The following EML5 variants were observed in gnomAD, a reference collection of about 807,000 sequenced individuals.
EML5 encodes the protein EMAP like 5, also known as echinoderm microtubule-associated protein-like 5.
A neutral mutation model predicts 250.0 loss-of-function variants in EML5; 120 were observed. That is an observed-to-expected ratio of 0.48 (90% CI 0.41 to 0.56). EML5 has a LOEUF of 0.56. EML5 is among the 20% of genes least tolerant of loss of function. The pLI is 0.00. For synonymous variants in EML5, 771 were observed against 806.5 expected, an observed-to-expected ratio of 0.96 and a Z score of 0.75; for missense variants, 2,006 against 2,437.6, an observed-to-expected ratio of 0.82 and a Z score of 3.73.
rs1449067089 is a variant in EML5 at position 88,746,197 on chromosome 14, A to T, written c.444T>A (p.Gly148=). ...KRGKMLSMAP[G]HTDRIFDISW... is the part of the protein sequence containing the mutation. ...AGAGAATACTTACTCTATCTGTATGACCAGGAGCCATAGACAACATTTTTC... is the reference window on the plus strand; with the variant it reads ...AGAGAATACTTACTCTATCTGTATGTCCAGGAGCCATAGACAACATTTTTC... The change falls in exon 3 of 44, where the codon GGT becomes GGA. Residue 148 remains glycine, a synonymous_variant. Coordinates refer to ENST00000554922, the MANE Select transcript of EML5 (RefSeq NM_183387.3). 1.2e-6 allele frequency: 2 copies of T among 1,612,326 alleles called. No homozygotes were observed. The highest frequency in any genetic ancestry group is 1.7e-6 in the Non-Finnish European group (2 of 1,178,670).
chr14:88,736,401 G>C lies in EML5; in HGVS notation c.1012C>G (p.Pro338Ala). The change falls in exon 7 of 44, where the codon CCT becomes GCT. Residue 338 changes from proline to alanine, a missense_variant. Around this residue, in one of 7 missense-constraint regions of EML5, gnomAD observed 1,375 missense variants for 1,590.3 expected, o/e 0.86. Coordinates refer to ENST00000554922, the MANE Select transcript of EML5 (RefSeq NM_183387.3). ...LWALAVHPTK[P>A]LAVTGSDDRS... ...TCATCACTTCCAGTCACAGCCAAAG[G>C]TTTAGTAGGATGGACAGCAAGTGCC... 6.2e-7 allele frequency: 1 copy of C among 1,613,902 alleles called. No individual in the cohort carries two copies. Among genetic ancestry groups the C allele is most frequent in the Non-Finnish European group, 8.5e-7 (1 of 1,179,858 alleles).
intron 33 of EML5, among the ~76,000 whole-genome samples, chr14:88,632,030 A>G (rs1279608337): frequency 6.6e-6 from 1 of 152,180 alleles, no homozygotes; most frequent in Non-Finnish European, 1.5e-5. Flanking sequence ...TTATATTTGT[A>G]CAAGAAAGAA....
chr14:88,662,343 T>TG (rs1386146389), intron 24 of EML5, among the ~76,000 whole-genome samples: 18 of 135,794 alleles, frequency 1.3e-4, no homozygotes, highest in Non-Finnish European at 2.6e-4. Context: ...TTTCTTGTTT[T>TG]TTTTTTTTTT....
intron 1 of EML5, among the ~76,000 whole-genome samples, chr14:88,775,961 A>G (rs1203924026): frequency 6.6e-6 from 1 of 151,388 alleles, no homozygotes; most frequent in Non-Finnish European, 1.5e-5. Context: ...GAAATGAGTA[A>G]GAGTGTGCCT....
chr14:88,791,941 T>G (rs1010963294), intron 1 of EML5, among the ~76,000 whole-genome samples: 1 of 152,130 alleles, frequency 6.6e-6, no homozygotes, highest in African/African-American at 2.4e-5. Flanking sequence ...CCGGGTGCTT[T>G]AAGAATGCGT....
chr14:88,704,067 C>T (rs2093270275), intron 13 of EML5, among the ~76,000 whole-genome samples: 1 of 152,112 alleles, frequency 6.6e-6, no homozygotes, highest in South Asian at 2.1e-4. Flanking sequence ...GATATTTGTG[C>T]TGTCCAAATC....
At chr14:88,702,370 G>A in intron 14 of EML5, 76 bp downstream of exon 14, 2 of 1,119,370 alleles carry the variant, frequency 1.8e-6, no homozygotes, top group Non-Finnish European at 2.5e-6. Flanking sequence ...GAACATAAAA[G>A]AGATATGTGA....
chr14:88,708,563 A>C (rs903102343), intron 10 of EML5, among the ~76,000 whole-genome samples: 1 of 152,106 alleles, frequency 6.6e-6, no homozygotes, highest in African/African-American at 2.4e-5. Flanking sequence ...GGAATGCTAG[A>C]CTGTAATGTA....
intron 7 of EML5, among the ~76,000 whole-genome samples, chr14:88,728,176 G>C (rs1225312942): frequency 6.7e-6 from 1 of 149,544 alleles, no homozygotes; most frequent in East Asian, 2.0e-4. Context: ...TATGATAGTT[G>C]CATCTGTACT....
intron 8 of EML5, among the ~76,000 whole-genome samples, chr14:88,725,715 G>A (rs1052317846): frequency 1.3e-5 from 2 of 152,140 alleles, no homozygotes; most frequent in Non-Finnish European, 2.9e-5. Context: ...GGTCTTGAGG[G>A]AAACCAAACA....
At chr14:88,692,590 C>G (rs2092986326) in intron 17 of EML5, among the ~76,000 whole-genome samples, 1 of 152,140 alleles carries the variant, frequency 6.6e-6, no homozygotes, top group African/African-American at 2.4e-5. Flanking sequence ...ACTTGTGCAG[C>G]ATGGATTTGG....
intron 19 of EML5, among the ~76,000 whole-genome samples, chr14:88,686,397 TATAATAATAATAATAACA>T (rs2092833318): frequency 6.6e-6 from 1 of 151,388 alleles, no homozygotes; most frequent in Non-Finnish European, 1.5e-5. Flanking sequence ...GAACTCAAGG[TATAATAATAATAATAACA>T]ATAATAATAA....
intron 41 of EML5, chr14:88,617,876 G>A (rs1427644467): frequency 6.3e-6 from 1 of 159,794 alleles, no homozygotes; most frequent in East Asian, 1.8e-4. Flanking sequence ...ACTTCTAATA[G>A]ATTCAAGATA....
chr14:88,767,950 G>A (rs188837004), intron 1 of EML5, among the ~76,000 whole-genome samples: 1 of 152,134 alleles, frequency 6.6e-6, no homozygotes, highest in East Asian at 1.9e-4. Context: ...ATCCCATGCT[G>A]CATTTTAACT....
At chr14:88,648,461 T>C (rs1055218939) in intron 28 of EML5, among the ~76,000 whole-genome samples, 9 of 152,102 alleles carry the variant, frequency 5.9e-5, no homozygotes, top group Non-Finnish European at 1.2e-4. Flanking sequence ...TCCAGACATC[T>C]TCCTGCCACA....
chr14:88,696,074 T>C (rs1233919930), intron 15 of EML5, among the ~76,000 whole-genome samples: 1 of 151,994 alleles, frequency 6.6e-6, no homozygotes, highest in Non-Finnish European at 1.5e-5. Flanking sequence ...AAGTCTCAAT[T>C]AGTTCCTCAC....
chr14:88,699,355 C>T (rs2093156061), intron 14 of EML5, among the ~76,000 whole-genome samples: 2 of 151,442 alleles, frequency 1.3e-5, no homozygotes, highest in South Asian at 4.3e-4. Context: ...GAGAGTCAGA[C>T]TTGGTTAAAT....
intron 14 of EML5, among the ~76,000 whole-genome samples, chr14:88,701,039 C>T (rs900208875): frequency 2.0e-5 from 3 of 152,124 alleles, no homozygotes; most frequent in African/African-American, 7.2e-5. Flanking sequence ...GTAAACAACT[C>T]AGCTCAAATG....
At chr14:88,717,497 G>A (rs796284312) in intron 8 of EML5, among the ~76,000 whole-genome samples, 2 of 152,310 alleles carry the variant, frequency 1.3e-5, no homozygotes, top group African/African-American at 4.8e-5. Flanking sequence ...GGTGGCTCAC[G>A]CCTGTAATCC....
Sources: gnomAD v4.1 joint callset for allele counts (sites outside exome capture counted in the v4.1 genomes callset) on GRCh38, gnomAD v4.1.1 for gene constraint, gnomAD v4.1.1 regional missense constraint, MANE v1.5 for transcripts, NCBI Gene and HGNC (gene_info 2026-07-23, HGNC 2026-07-21) for gene names.